Variants in ADAMTSL1 observed in about 807,000 individuals in gnomAD.
ADAMTSL1 encodes ADAMTS like 1.
In ADAMTSL1, 126 loss-of-function variants were observed where a neutral mutation model predicts 201.8. The ratio of observed to expected loss-of-function variants is 0.62; its 90% CI spans 0.54 to 0.72. ADAMTSL1 has a LOEUF of 0.72. Among genes scored for constraint, ADAMTSL1 ranks in the 30% least tolerant of loss-of-function variants. The pLI is 0.00. For synonymous variants in ADAMTSL1, 1,121 were observed against 903.4 expected, an observed-to-expected ratio of 1.24 and a Z score of -4.32; for missense variants, 2,679 against 2,277.8, an observed-to-expected ratio of 1.18 and a Z score of -3.59.
At chr9:18,267,159 G>A (rs1832150274) in intron 2 of ADAMTSL1, among the ~76,000 whole-genome samples, 1 of 152,174 alleles carries the variant, frequency 6.6e-6, no homozygotes, top group Middle Eastern at 3.2e-3. Context: ...GTTCTCTGAA[G>A]TGAACTGGAG....
intron 2 of ADAMTSL1, among the ~76,000 whole-genome samples, chr9:18,166,869 A>T (rs1414396302): frequency 6.6e-6 from 1 of 152,016 alleles, no homozygotes; most frequent in Non-Finnish European, 1.5e-5. Flanking sequence ...ATAGGTGGTC[A>T]TTTTGACCTT....
chr9:18,857,651 GAAGTT>G (rs1269031419), intron 23 of ADAMTSL1, among the ~76,000 whole-genome samples: 1 of 152,152 alleles, frequency 6.6e-6, no homozygotes, highest in Non-Finnish European at 1.5e-5. Flanking sequence ...TTCCATTGCA[GAAGTT>G]AAGTTCCAAA....
chr9:18,786,955 T>A (rs1897724), intron 19 of ADAMTSL1, among the ~76,000 whole-genome samples: 43,179 of 152,090 alleles, frequency 0.28, 6,667 homozygotes, highest in African/African-American at 0.39. Context: ...CTTGGGCAAC[T>A]CAGAGTATCA....
intron 14 of ADAMTSL1, among the ~76,000 whole-genome samples, chr9:18,720,948 A>T (rs916804575): frequency 2.8e-4 from 42 of 152,152 alleles, no homozygotes; most frequent in African/African-American, 1.0e-3. Context: ...GGCTGTGGTT[A>T]TTATGCATCT....
At chr9:18,338,209 C>T (rs1835327517) in intron 2 of ADAMTSL1, among the ~76,000 whole-genome samples, 1 of 152,050 alleles carries the variant, frequency 6.6e-6, no homozygotes, top group Non-Finnish European at 1.5e-5. Context: ...AAGCCACTGA[C>T]CCTTAACTTT....
In ADAMTSL1 at chr9:18,304,950, C is replaced by G. The variant is rs183600971; in HGVS notation, c.207+140969C>G. On this transcript the variant is annotated intron_variant, in intron 2 of 29. Coordinates refer to the ADAMTSL1 transcript ENST00000680146. The stretch of plus-strand genomic sequence containing the variant: ...GAATAGGAACAGCTCCGATCTGCAG[C>G]TCCCAGCGTGATCTACACAGAAGGC... Among the ~76,000 whole-genome samples the G allele has an allele frequency of 3.9e-3, 585 of 148,802 alleles. 3 individuals carry two copies. Among genetic ancestry groups the G allele is most frequent in the African/African-American group, 0.014 (560 of 40,450 alleles).
chr9:18,104,261 T>C lies in ADAMTSL1; in HGVS notation c.88-59601T>C, dbSNP rs138542204. Among the ~76,000 whole-genome samples, 452 of 152,262 alleles carry C rather than the reference T, an allele frequency of 3.0e-3. 3 individuals carry two copies. The highest frequency in any genetic ancestry group is 0.01 in the African/African-American group (427 of 41,550). ...ATCTTACGTGATATACCACTAGCAG[T>C]GTAGTCGCAATCCCGTTTTTCCCTC... On this transcript the variant is annotated intron_variant, in intron 1 of 29. Transcript: ENST00000680146.
chr9:18,135,352 G>A (rs535388676), intron 1 of ADAMTSL1, among the ~76,000 whole-genome samples: 1 of 152,220 alleles, frequency 6.6e-6, no homozygotes, highest in South Asian at 2.1e-4. Context: ...TATGAGGAAA[G>A]CAACTCTTTG....
chr9:18,196,021 G>T (rs944606893), intron 2 of ADAMTSL1, among the ~76,000 whole-genome samples: 9 of 151,996 alleles, frequency 5.9e-5, no homozygotes, highest in Admixed American at 5.9e-4. Flanking sequence ...TTTCTGTTAG[G>T]ACTGGTCAAA....
chr9:18,753,630 C>A, intron 16 of ADAMTSL1, 122 bp downstream of exon 16: 1 of 1,113,144 alleles, frequency 9.0e-7, no homozygotes, highest in Non-Finnish European at 1.3e-6. Flanking sequence ...CTGCTCATTT[C>A]TCCCTTCTTA....
chr9:18,154,715 C>G (rs1015232934), intron 1 of ADAMTSL1, among the ~76,000 whole-genome samples: 1 of 151,966 alleles, frequency 6.6e-6, no homozygotes, highest in South Asian at 2.1e-4. Flanking sequence ...ACTTGAGAGA[C>G]AAAAACAATT....
At chr9:17,955,978 C>A (rs2131385107) in intron 1 of ADAMTSL1, among the ~76,000 whole-genome samples, 1 of 152,202 alleles carries the variant, frequency 6.6e-6, no homozygotes, top group African/African-American at 2.4e-5. Flanking sequence ...TTTTTTAAAA[C>A]AAATCTGAAA....
intron 26 of ADAMTSL1, among the ~76,000 whole-genome samples, chr9:18,894,269 A>G (rs1393397427): frequency 6.6e-6 from 1 of 151,796 alleles, no homozygotes; most frequent in African/African-American, 2.4e-5. Context: ...AGGATCACTT[A>G]AGAGGTTGAA....
intron 1 of ADAMTSL1, among the ~76,000 whole-genome samples, chr9:18,042,784 A>G (rs1821483822): frequency 1.3e-5 from 2 of 152,184 alleles, no homozygotes; most frequent in Non-Finnish European, 2.9e-5. Flanking sequence ...CCAAGAAGGT[A>G]TACTCAAAAG....
At chr9:18,394,887 T>C (rs1324493303) in intron 2 of ADAMTSL1, among the ~76,000 whole-genome samples, 4 of 152,186 alleles carry the variant, frequency 2.6e-5, no homozygotes, top group African/African-American at 9.7e-5. Flanking sequence ...AAGTTCTAAA[T>C]AGGGCTGTGG....
intron 2 of ADAMTSL1, among the ~76,000 whole-genome samples, chr9:18,332,067 T>G (rs1453631079): frequency 2.0e-5 from 3 of 151,970 alleles, no homozygotes; most frequent in Admixed American, 6.6e-5. Flanking sequence ...GACTGAGAGG[T>G]TTTGGAAGTG....
At chr9:18,490,986 G>A (rs1420803006) in intron 1 of ADAMTSL1, among the ~76,000 whole-genome samples, 2 of 152,170 alleles carry the variant, frequency 1.3e-5, no homozygotes, top group Non-Finnish European at 2.9e-5. Flanking sequence ...AGAGTGGAGT[G>A]TAAAGGCAGG....
chr9:18,435,988 AT>A (rs1001539185), intron 2 of ADAMTSL1, among the ~76,000 whole-genome samples: 1 of 152,182 alleles, frequency 6.6e-6, no homozygotes, highest in African/African-American at 2.4e-5. Context: ...CAGTTAGAAA[AT>A]ATTTGACCTT....
At chr9:18,180,481 C>T (rs1299287565) in intron 2 of ADAMTSL1, among the ~76,000 whole-genome samples, 1 of 133,886 alleles carries the variant, frequency 7.5e-6, no homozygotes, top group African/African-American at 2.8e-5. Context: ...TGCAGTGAGC[C>T]AAGATCCCGC....
Sources: allele counts gnomAD v4.1 joint callset (sites outside exome capture counted in the v4.1 genomes callset), GRCh38; gene constraint gnomAD v4.1.1; transcripts MANE v1.5; gene names NCBI Gene and HGNC (gene_info 2026-07-23, HGNC 2026-07-21).